CSNK1G2: variants seen among roughly 807,000 people sequenced by gnomAD.
CSNK1G2 encodes the protein casein kinase I isoform gamma-2.
CSNK1G2 carries 11 observed loss-of-function variants against 48.0 expected under a neutral mutation model. The ratio of observed to expected loss-of-function variants is 0.23; its 90% CI spans 0.14 to 0.38. CSNK1G2 has a LOEUF of 0.38. Ranked by LOEUF, CSNK1G2 falls within the 10% of genes least tolerant of loss-of-function variation. CSNK1G2 has a pLI of 1.00. For missense variants in CSNK1G2, 446 were observed against 595.5 expected (o/e 0.75, Z 2.61); for synonymous variants, 337 against 254.1 (o/e 1.33, Z -3.10).
chr19:1,953,702 G>C (rs1250650576), intron 1 of CSNK1G2: 1 of 385,888 alleles, frequency 2.6e-6, no homozygotes, highest in East Asian at 7.2e-5. Flanking sequence ...CGGGGTCCCT[G>C]CACAGCCTCG....
chr19:1,956,569 C>A lies in CSNK1G2; in HGVS notation c.-265-12939C>A, dbSNP rs373625243. Among the ~76,000 whole-genome samples, 7 of 152,326 alleles carry A rather than the reference C, an allele frequency of 4.6e-5. 2 individuals are homozygous for A. Among genetic ancestry groups the A allele is most frequent in the African/African-American group, 1.7e-4 (7 of 41,580 alleles). ...CGGCAAGGCCACTCTGTACTCAGAC[C>A]CGGCAGCTGTGGCTGTGGCACAGGC... On this transcript the variant is annotated intron_variant, in intron 1 of 11. Transcript: ENST00000255641.
chr19:1,962,078 C>T lies in CSNK1G2; in HGVS notation c.-265-7430C>T, dbSNP rs2145549941. Among the ~76,000 whole-genome samples, 2 of 152,274 alleles carry T rather than the reference C, an allele frequency of 1.3e-5. 1 individual carries two copies. The highest frequency in any genetic ancestry group is 4.1e-4 in the South Asian group (2 of 4,828). ...GGCGCGGTGGCTCACGCCTGTAATCCCAACACTTTGGGAGGCCGAGGCAGG... is the reference window on the plus strand; with the variant it reads ...GGCGCGGTGGCTCACGCCTGTAATCTCAACACTTTGGGAGGCCGAGGCAGG... On this transcript the variant is annotated intron_variant, in intron 1 of 11. Coordinates refer to ENST00000255641, the MANE Select transcript of CSNK1G2 (RefSeq NM_001319.7).
At chr19:1,941,817 C>T (rs931859205) in intron 1 of CSNK1G2, among the ~76,000 whole-genome samples, 5 of 148,414 alleles carry the variant, frequency 3.4e-5, no homozygotes, top group African/African-American at 5.0e-5. Context: ...TGTCGTGCTC[C>T]AACTCTCCTG....
chr19:1,960,475 C>T (rs1468753945), intron 1 of CSNK1G2, among the ~76,000 whole-genome samples: 5 of 152,212 alleles, frequency 3.3e-5, no homozygotes, highest in African/African-American at 4.8e-5. Context: ...GGATGTTTGC[C>T]GTGCTGGATC....
intron 1 of CSNK1G2, chr19:1,953,848 C>G (rs141651876): frequency 1.1e-5 from 6 of 532,588 alleles, no homozygotes; most frequent in Non-Finnish European, 1.9e-5. Context: ...TTTACCTGGA[C>G]TCTTGCCTTT....
chr19:1,941,835 C>T (rs781536365), intron 1 of CSNK1G2, among the ~76,000 whole-genome samples: 2 of 149,902 alleles, frequency 1.3e-5, no homozygotes, highest in Non-Finnish European at 3.0e-5. Flanking sequence ...CTGCCCTCCG[C>T]TGAGCCTTTA....
intron 1 of CSNK1G2, among the ~76,000 whole-genome samples, chr19:1,951,126 G>T (rs2014746729): frequency 6.9e-6 from 1 of 145,786 alleles, no homozygotes; most frequent in Non-Finnish European, 1.5e-5. Flanking sequence ...AGATGGCCAG[G>T]CACGGTGGCT....
intron 1 of CSNK1G2, among the ~76,000 whole-genome samples, chr19:1,961,660 T>TG (rs1365241344): frequency 6.6e-6 from 1 of 151,356 alleles, no homozygotes; most frequent in Non-Finnish European, 1.5e-5. Context: ...TGAGCTGCGG[T>TG]GGGGGGTGGG....
intron 1 of CSNK1G2, among the ~76,000 whole-genome samples, chr19:1,955,985 G>A (rs956738178): frequency 2.6e-5 from 4 of 152,224 alleles, no homozygotes; most frequent in Admixed American, 6.5e-5. Context: ...CTCGTTGGCC[G>A]GGCGGAGCAG....
At chr19:1,975,236 G>T in intron 2 of CSNK1G2, 2 of 985,488 alleles carry the variant, frequency 2.0e-6, no homozygotes, top group Non-Finnish European at 2.4e-6. Context: ...GCGAGCATCC[G>T]CCTGCCCGTC....
chr19:1,968,375 C>T (rs904176686), intron 1 of CSNK1G2, among the ~76,000 whole-genome samples: 9 of 151,984 alleles, frequency 5.9e-5, no homozygotes, highest in African/African-American at 2.2e-4. Flanking sequence ...CCTCCCTCCT[C>T]CCCAGGCTGT....
At chr19:1,967,522 G>A (rs959692878) in intron 1 of CSNK1G2, among the ~76,000 whole-genome samples, 1 of 90 alleles carries the variant, frequency 0.011, no homozygotes, top group African/African-American at 0.056. Context: ...AGACAGGCAG[G>A]TGGCTGCGGT....
chr19:1,969,239 A>AT (rs199873694), intron 1 of CSNK1G2, among the ~76,000 whole-genome samples: 2 of 34,278 alleles, frequency 5.8e-5, no homozygotes, highest in African/African-American at 1.9e-4. Flanking sequence ...CCACCCACCC[A>AT]CCCACCCATC....
intron 2 of CSNK1G2, chr19:1,976,047 A>T (rs1426536160): frequency 7.8e-7 from 1 of 1,289,152 alleles, no homozygotes; most frequent in Middle Eastern, 2.1e-4. Context: ...AAAGAAAAAA[A>T]CTTTGAAATC....
intron 1 of CSNK1G2, among the ~76,000 whole-genome samples, chr19:1,964,780 C>A (rs2015312190): frequency 6.6e-6 from 1 of 151,094 alleles, no homozygotes; most frequent in Non-Finnish European, 1.5e-5. Context: ...GGCTGGAGTG[C>A]AGTGGTGCCA....
chr19:1,954,190 GCGC>G, intron 1 of CSNK1G2: 1 of 385,694 alleles, frequency 2.6e-6, no homozygotes, highest in Non-Finnish European at 5.2e-6. Flanking sequence ...GGCAGCTCCT[GCGC>G]CCCTCCATTG....
Position 1,975,598 on chromosome 19 carries a change from G to C in CSNK1G2, c.188-2707G>C, listed in dbSNP as rs186597973. 182 of 985,460 alleles carry C rather than the reference G, an allele frequency of 1.8e-4. No homozygotes were observed. The African/African-American group carries it at 2.5e-3, about 14-fold the overall frequency. 61.0% of individuals were successfully genotyped at this position (985,460 alleles called of 1,614,324 possible). On this transcript the variant is annotated intron_variant, in intron 2 of 11. Transcript: ENST00000255641. ...AGGGGCAGCCTTTTGGGCGGGGAAG[G>C]GGGGATGAATCCACTGTGAATCCCA...
chr19:1,978,909 G>T lies in CSNK1G2; in HGVS notation c.498G>T (p.Val166=). The T allele has an allele frequency of 6.2e-7, 1 of 1,602,880 alleles. No homozygotes were observed. Among genetic ancestry groups the T allele is most frequent in the Non-Finnish European group, 8.5e-7 (1 of 1,179,616 alleles). ...VHTKSLIYRD[V]KPENFLVGRP... is the part of the protein sequence containing the mutation. ...CCAAGAGCCTAATCTACCGGGACGT[G>T]AAGCCCGAGAACTTCCTGGTGGGCC... Residue 166 remains valine (V), a synonymous_variant, in exon 6 of 12, where the codon GTG becomes GTT. Coordinates refer to ENST00000255641, the MANE Select transcript of CSNK1G2 (RefSeq NM_001319.7). This position sits in a 1 kb window ranked among gnomAD's most constrained non-coding sequence, Gnocchi z 7.3.
intron 2 of CSNK1G2, among the ~76,000 whole-genome samples, chr19:1,972,920 C>T (rs570960316): frequency 5.5e-5 from 8 of 145,226 alleles, no homozygotes; most frequent in East Asian, 4.0e-4. Context: ...TACCGCGCCT[C>T]GCCTGCTTTG....
Sources: allele counts gnomAD v4.1 joint callset (sites outside exome capture counted in the v4.1 genomes callset), GRCh38; gene constraint gnomAD v4.1.1; non-coding constraint Gnocchi (gnomAD v3.1); transcripts MANE v1.5; gene names NCBI Gene and HGNC (gene_info 2026-07-23, HGNC 2026-07-21).